Variants in COL13A1 observed in about 807,000 individuals in gnomAD.
The protein encoded by COL13A1 is collagen alpha-1(XIII) chain.
COL13A1 carries 89 observed loss-of-function variants against 130.9 expected under a neutral mutation model. The ratio of observed to expected loss-of-function variants is 0.68; its 90% CI spans 0.57 to 0.81. The LOEUF (loss-of-function observed/expected upper bound fraction) is 0.81. Ranked by LOEUF, COL13A1 falls within the 30% of genes least tolerant of loss-of-function variation. COL13A1 has a pLI of 0.00. For synonymous variants in COL13A1, 402 were observed against 341.6 expected (o/e 1.18, Z -1.95); for missense variants, 879 against 934.6 (o/e 0.94, Z 0.78).
intron 1 of COL13A1, among the ~76,000 whole-genome samples, chr10:69,814,527 C>T (rs1461501085): frequency 6.6e-6 from 1 of 152,250 alleles, no homozygotes; most frequent in Non-Finnish European, 1.5e-5. Context: ...ACCCTCCTCA[C>T]ATCTGGATAC....
intron 3 of COL13A1, among the ~76,000 whole-genome samples, chr10:69,869,119 G>A (rs1432741836): frequency 1.3e-5 from 2 of 152,166 alleles, no homozygotes; most frequent in African/African-American, 4.8e-5. Flanking sequence ...TGACTTGAGG[G>A]TCCTTTCCTC....
intron 2 of COL13A1, among the ~76,000 whole-genome samples, chr10:69,838,322 A>T (rs1380521145): frequency 6.6e-6 from 1 of 152,246 alleles, no homozygotes; most frequent in Admixed American, 6.5e-5. Context: ...CACCTAGACT[A>T]ACAAAGTGGC....
chr10:69,807,547 C>G (rs1841913107), intron 1 of COL13A1, among the ~76,000 whole-genome samples: 2 of 152,096 alleles, frequency 1.3e-5, no homozygotes. Flanking sequence ...GGGGAGGGAT[C>G]AAAGCAGCAG....
At chr10:69,938,560 G>A (rs904006820) in intron 34 of COL13A1, among the ~76,000 whole-genome samples, 2 of 152,262 alleles carry the variant, frequency 1.3e-5, no homozygotes, top group Non-Finnish European at 2.9e-5. Context: ...CTGAGGCCAT[G>A]GCCTTGCAAA....
At position 69,930,048 on chromosome 10, in the gene COL13A1, G is replaced by T; in HGVS notation, c.1491G>T (p.Glu497Asp). 1 of 1,613,976 alleles carries T rather than the reference G, an allele frequency of 6.2e-7. No homozygotes were observed. Among genetic ancestry groups the T allele is most frequent in the South Asian group, 1.1e-5 (1 of 91,074 alleles). The change falls in exon 29 of 41, where the codon GAG becomes GAT. Residue 497 changes from glutamate to aspartate, a missense_variant. By Grantham distance (45) the Glu-to-Asp change is conservative. Coordinates refer to ENST00000645393, the MANE Select transcript of COL13A1 (RefSeq NM_001368882.1). ...GAPGIPGQKG[E>D]IGLPGPPGHD... ...TTTAGTTGTTCCGGTTACAGGGGGAGATTGGACTGCCAGGCCCTCCAGGAC... is the reference window on the plus strand; with the variant it reads ...TTTAGTTGTTCCGGTTACAGGGGGATATTGGACTGCCAGGCCCTCCAGGAC...
In COL13A1 at chr10:69,878,154, G is replaced by A. The variant is rs559654912; in HGVS notation, c.462+89G>A. The A allele has an allele frequency of 5.8e-6, 4 of 689,284 alleles. 1 individual carries two copies. The highest frequency in any genetic ancestry group is 5.3e-5 in the African/African-American group (3 of 57,068). 42.7% of individuals were successfully genotyped at this position (689,284 alleles called of 1,614,324 possible). The stretch of plus-strand genomic sequence containing the variant: ...GGAGGCTCTCAGCCCTCCCCCCCAT[G>A]AAAGCCGCAGCAGAGGGTGCTGGCT... On this transcript the variant is annotated intron_variant, in intron 6 of 40. Transcript: ENST00000645393.
Position 69,925,883 on chromosome 10 carries a change from TC to T in COL13A1, c.1398+13del. On this transcript the variant is annotated intron_variant, in intron 26 of 40. Transcript: ENST00000645393. ...AATGAGGCTCTCCAGGTGAGCAGGG[TC>T]CAGCCCAGAGGCCAAGATCCTCATG... 6.3e-7 allele frequency: 1 copy of T among 1,582,818 alleles called. No homozygotes were observed. The highest frequency in any genetic ancestry group is 8.6e-7 in the Non-Finnish European group (1 of 1,163,790).
chr10:69,929,056 C>A, intron 28 of COL13A1, 57 bp downstream of exon 28: 2 of 1,357,960 alleles, frequency 1.5e-6, no homozygotes, highest in Non-Finnish European at 2.1e-6. Context: ...GACCCCAGGG[C>A]TTCCCCTCCC....
In COL13A1 at chr10:69,850,003, G is replaced by T. The variant is rs985552124; in HGVS notation, c.365-17795G>T. 2.0e-5 allele frequency among the ~76,000 whole-genome samples: 3 copies of T among 152,236 alleles called. No individual in the cohort carries two copies. In the East Asian group the frequency reaches 5.8e-4, roughly 30 times the overall value. ...TTAGGAGCTGTTAGCACATCAAAGC[G>T]GGATTTGCAGAGCCTGAACACATAG... is the stretch of plus-strand genomic sequence containing the variant. On this transcript the variant is annotated intron_variant, in intron 2 of 40. Transcript: ENST00000645393.
At chr10:69,870,188 T>A (rs916226859) in intron 3 of COL13A1, among the ~76,000 whole-genome samples, 2 of 152,194 alleles carry the variant, frequency 1.3e-5, no homozygotes, top group East Asian at 1.9e-4. Context: ...TATATATATT[T>A]TTTTTACTTA....
intron 6 of COL13A1, among the ~76,000 whole-genome samples, chr10:69,879,623 C>T (rs778229123): frequency 7.9e-5 from 12 of 152,212 alleles, no homozygotes; most frequent in Non-Finnish European, 1.0e-4. Flanking sequence ...ATGCGTTTCC[C>T]GTAAGGGCAA....
At chr10:69,812,590 C>T (rs1221212695) in intron 1 of COL13A1, among the ~76,000 whole-genome samples, 2 of 152,198 alleles carry the variant, frequency 1.3e-5, no homozygotes, top group East Asian at 3.9e-4. Flanking sequence ...CAAATTCTGC[C>T]TCTGTCTTTC....
chr10:69,886,749 A>C (rs2060630190), intron 7 of COL13A1, among the ~76,000 whole-genome samples: 1 of 152,146 alleles, frequency 6.6e-6, no homozygotes, highest in Non-Finnish European at 1.5e-5. Context: ...ATCTCATCAC[A>C]TCCCCTTTGT....
intron 2 of COL13A1, among the ~76,000 whole-genome samples, chr10:69,830,706 G>A (rs963351127): frequency 2.0e-5 from 3 of 152,148 alleles, no homozygotes; most frequent in Non-Finnish European, 4.4e-5. Flanking sequence ...GGGTACGCCA[G>A]GTTCAGTACA....
intron 13 of COL13A1, chr10:69,897,576 G>C: frequency 1.2e-6 from 2 of 1,603,716 alleles, no homozygotes. Flanking sequence ...CCACTGAGAG[G>C]CTTCCTGAAC....
chr10:69,945,804 G>A, intron 37 of COL13A1, 80 bp downstream of exon 37: 2 of 1,533,084 alleles, frequency 1.3e-6, no homozygotes, highest in Middle Eastern at 1.9e-4. Flanking sequence ...CGGGCATGGT[G>A]GCTCACACCT....
rs781156483 is a variant in COL13A1, at chr10:69,937,725, T to C, written c.1878+10T>C. The C allele has an allele frequency of 2.9e-6, 4 of 1,367,052 alleles. No homozygotes were observed. Among genetic ancestry groups the C allele is most frequent in the Middle Eastern group, 1.8e-4 (1 of 5,562 alleles). The allele number at this position is 1,367,052 out of a possible 1,614,324, so 84.7% of individuals were successfully genotyped here. On this transcript the variant is annotated intron_variant, in intron 34 of 40. Transcript: ENST00000645393. ...TCCCCTGGGACTACCCGTAAGTACC[T>C]TGGACCCAGCAAGACTGGTGGGTTT...
chr10:69,813,024 G>C (rs1300623957), intron 1 of COL13A1, among the ~76,000 whole-genome samples: 1 of 152,244 alleles, frequency 6.6e-6, no homozygotes, highest in Admixed American at 6.5e-5. Flanking sequence ...AGGCTCTTCT[G>C]TTTCCCTCCC....
intron 7 of COL13A1, among the ~76,000 whole-genome samples, chr10:69,882,333 T>A (rs2060222365): frequency 6.6e-6 from 1 of 152,224 alleles, no homozygotes; most frequent in African/African-American, 2.4e-5. Context: ...AAAAAGTTAT[T>A]GAAAACCTCC....
Sources: allele counts gnomAD v4.1 joint callset (sites outside exome capture counted in the v4.1 genomes callset), GRCh38; gene constraint gnomAD v4.1.1; transcripts MANE v1.5; gene names NCBI Gene and HGNC (gene_info 2026-07-23, HGNC 2026-07-21).